Variants in NIPAL2 observed in about 807,000 individuals in gnomAD.
The protein encoded by NIPAL2 is NIPA like domain containing 2.
NIPAL2 carries 43 observed loss-of-function variants against 48.9 expected under a neutral mutation model. That is an observed-to-expected ratio of 0.88 (90% CI 0.69 to 1.13). NIPAL2 has a LOEUF of 1.13. Among genes scored for constraint, NIPAL2 ranks in the 50% most tolerant of loss-of-function variants. The pLI, the probability that NIPAL2 is intolerant of heterozygous loss-of-function variation, is 0.00. For synonymous variants in NIPAL2, 167 were observed against 174.6 expected (o/e 0.96, Z 0.34); for missense variants, 446 against 461.4 (o/e 0.97, Z 0.31).
intron 3 of NIPAL2, among the ~76,000 whole-genome samples, chr8:98,238,832 G>T (rs1812847551): frequency 6.6e-6 from 1 of 152,086 alleles, no homozygotes; most frequent in South Asian, 2.1e-4. Flanking sequence ...ATTAAAGTAA[G>T]AAATGAATTT....
rs181136076 is a variant in NIPAL2, at chr8:98,270,101, T to C, written c.136-16014A>G. On this transcript the variant is annotated intron_variant, in intron 1 of 10. Transcript: ENST00000430223. ...AGTCTACTGTTGATGGGCACCTAGA[T>C]TGACTCCATGTCTTTGCTATTGTGA... 3.3e-5 allele frequency among the ~76,000 whole-genome samples: 5 copies of C among 152,342 alleles called. No homozygotes were observed. In the East Asian group the frequency reaches 9.6e-4, roughly 29 times the overall value.
intron 1 of NIPAL2, among the ~76,000 whole-genome samples, chr8:98,264,746 C>A (rs1814597669): frequency 6.6e-6 from 1 of 151,958 alleles, no homozygotes; most frequent in African/African-American, 2.4e-5. Flanking sequence ...CATCAAGCTA[C>A]CAATGCCTTT....
intron 5 of NIPAL2, among the ~76,000 whole-genome samples, chr8:98,220,581 A>T (rs1811804732): frequency 6.6e-6 from 1 of 151,874 alleles, no homozygotes; most frequent in African/African-American, 2.4e-5. Context: ...GCTAATTTTT[A>T]AAATTATTTG....
chr8:98,208,767 A>C (rs1369057702), intron 6 of NIPAL2, among the ~76,000 whole-genome samples: 1 of 152,074 alleles, frequency 6.6e-6, no homozygotes, highest in African/African-American at 2.4e-5. Context: ...TTTAAGAATG[A>C]TCACCACTAC....
At chr8:98,215,563 C>G (rs1319614328) in intron 5 of NIPAL2, among the ~76,000 whole-genome samples, 1 of 152,298 alleles carries the variant, frequency 6.6e-6, no homozygotes, top group East Asian at 1.9e-4. Context: ...TCCTCACAAC[C>G]ATTTAGGAGG....
chr8:98,239,051 C>T (rs965138808), intron 3 of NIPAL2, among the ~76,000 whole-genome samples: 5 of 152,078 alleles, frequency 3.3e-5, no homozygotes, highest in East Asian at 1.9e-4. Flanking sequence ...GGTGAAGTGT[C>T]GCTACATTAA....
chr8:98,230,000 A>G (rs1812360638), intron 4 of NIPAL2, among the ~76,000 whole-genome samples: 2 of 152,224 alleles, frequency 1.3e-5, no homozygotes, highest in Non-Finnish European at 2.9e-5. Flanking sequence ...TCTACATTTG[A>G]CAAGTGAGGA....
intron 3 of NIPAL2, among the ~76,000 whole-genome samples, chr8:98,250,766 G>A (rs191818948): frequency 3.6e-4 from 55 of 152,298 alleles, no homozygotes; most frequent in Admixed American, 7.2e-4. Flanking sequence ...AGGACTTGGG[G>A]AGAATAGGAC....
intron 4 of NIPAL2, among the ~76,000 whole-genome samples, chr8:98,228,684 A>G (rs1435380345): frequency 6.6e-6 from 1 of 152,156 alleles, no homozygotes; most frequent in Non-Finnish European, 1.5e-5. Flanking sequence ...CTCAGGATGC[A>G]GGCATGCCAT....
intron 9 of NIPAL2, among the ~76,000 whole-genome samples, chr8:98,195,319 A>G (rs1223381877): frequency 6.6e-6 from 1 of 152,180 alleles, no homozygotes; most frequent in Non-Finnish European, 1.5e-5. Flanking sequence ...TTGCATAACA[A>G]TGATCATGCT....
chr8:98,252,586 A>AGTAT lies in NIPAL2; in HGVS notation c.249_252dup (p.Phe85IlefsTer44). The AGTAT allele has an allele frequency of 6.2e-7, 1 of 1,614,000 alleles. No homozygotes were observed. ...CCACCCCACCACAGCACACTCTTGA[A>AGTAT]GTATGGCCTTGGGTGCTCTTGTTGT... On this transcript the variant is annotated frameshift_variant, in exon 3 of 11. Coordinates refer to ENST00000430223, the MANE Select transcript of NIPAL2 (RefSeq NM_001321635.2). LOFTEE classifies it high-confidence loss of function.
In NIPAL2 at chr8:98,269,435, C is replaced by T. The variant is rs1814990036; in HGVS notation, c.136-15348G>A. On this transcript the variant is annotated intron_variant, in intron 1 of 10. Transcript: ENST00000430223. Reference sequence around the variant, plus strand: ...GTGGGCATGAAAACAACATTCATCTCCTTGTACATCTCCATAAGAGCTCTT... The same window carrying T: ...GTGGGCATGAAAACAACATTCATCTTCTTGTACATCTCCATAAGAGCTCTT... 2.0e-5 allele frequency among the ~76,000 whole-genome samples: 3 copies of T among 152,280 alleles called. No individual in the cohort carries two copies. In the South Asian group the frequency reaches 6.2e-4, roughly 32 times the overall value.
At position 98,283,825 on chromosome 8, in the gene NIPAL2, A is replaced by C. The variant is rs565083715; in HGVS notation, c.135+10178T>G. On this transcript the variant is annotated intron_variant, in intron 1 of 10. Coordinates refer to ENST00000430223, the MANE Select transcript of NIPAL2 (RefSeq NM_001321635.2). ...AGACTAAACTCTACAGCCTATATCA[A>C]GTATCAGCCACTGGGTGAGTTTCTG... 2.0e-5 allele frequency among the ~76,000 whole-genome samples: 3 copies of C among 152,296 alleles called. No individual in the cohort carries two copies. The East Asian group carries it at 5.8e-4, about 29-fold the overall frequency.
chr8:98,257,266 T>C (rs1180152689), intron 1 of NIPAL2, among the ~76,000 whole-genome samples: 3 of 152,016 alleles, frequency 2.0e-5, no homozygotes, highest in Non-Finnish European at 4.4e-5. Context: ...CCAGCCTGAC[T>C]CTAGTATAGC....
At chr8:98,285,449 T>C (rs1816095866) in intron 1 of NIPAL2, among the ~76,000 whole-genome samples, 1 of 152,166 alleles carries the variant, frequency 6.6e-6, no homozygotes. Flanking sequence ...CCAATCAGAC[T>C]AAAGCCCATG....
intron 1 of NIPAL2, 82 bp downstream of exon 1, chr8:98,293,921 C>A: frequency 1.6e-6 from 2 of 1,255,664 alleles, no homozygotes; most frequent in Non-Finnish European, 2.1e-6. Flanking sequence ...GGCAGGAAAG[C>A]GGCCGAGGCG....
At chr8:98,202,797 C>T (rs1810864612) in intron 8 of NIPAL2, among the ~76,000 whole-genome samples, 1 of 152,202 alleles carries the variant, frequency 6.6e-6, no homozygotes, top group Non-Finnish European at 1.5e-5. Context: ...AAGACTCCAA[C>T]AAGAACAAAG....
chr8:98,211,714 G>GAA (rs1811321515), intron 6 of NIPAL2, among the ~76,000 whole-genome samples: 1 of 126,668 alleles, frequency 7.9e-6, no homozygotes, highest in South Asian at 3.1e-4. Flanking sequence ...ATATGAGTGA[G>GAA]AGAGAGAGAG....
rs998011114 is a variant in NIPAL2, at chr8:98,195,866, C to T, written c.944+76G>A. The T allele has an allele frequency of 7.0e-6, 7 of 1,001,178 alleles. No homozygotes were observed. The African/African-American group carries it at 1.2e-4, about 17-fold the overall frequency. The allele number at this position is 1,001,178 out of a possible 1,614,324, so 62.0% of individuals were successfully genotyped here. A position where few individuals can be genotyped will look rare whatever the true frequency, so the allele number is the denominator to read the frequency against. On this transcript the variant is annotated intron_variant, in intron 9 of 10. Coordinates refer to ENST00000430223, the MANE Select transcript of NIPAL2 (RefSeq NM_001321635.2). Reference sequence around the variant, plus strand: ...TTATATTATTTTCCAATTTTCTATACCTCCGGTACAATGCCGAAAATCCTA... The same window carrying T: ...TTATATTATTTTCCAATTTTCTATATCTCCGGTACAATGCCGAAAATCCTA...
Sources: gnomAD v4.1 joint callset for allele counts (sites outside exome capture counted in the v4.1 genomes callset) on GRCh38, gnomAD v4.1.1 for gene constraint, MANE v1.5 for transcripts, NCBI Gene and HGNC (gene_info 2026-07-23, HGNC 2026-07-21) for gene names.